The following C14orf39 variants were observed in gnomAD, a reference collection of about 807,000 sequenced individuals.
C14orf39 encodes the protein protein SIX6OS1.
C14orf39 carries 66 observed loss-of-function variants against 85.6 expected under a neutral mutation model. The observed-to-expected ratio is 0.77, with a 90% confidence interval of 0.63 to 0.95. C14orf39 has a LOEUF of 0.95. Ranked by LOEUF, C14orf39 falls within the 40% of genes least tolerant of loss-of-function variation. The probability of loss-of-function intolerance (pLI) is 0.00; values close to 1 mark genes in which losing one functional copy is unlikely to be tolerated. For missense variants in C14orf39, 735 were observed against 663.9 expected, an observed-to-expected ratio of 1.11 and a Z score of -1.18; for synonymous variants, 242 against 214.0, an observed-to-expected ratio of 1.13 and a Z score of -1.14.
At chr14:60,469,855 T>C (rs1233196877) in intron 7 of C14orf39, among the ~76,000 whole-genome samples, 1 of 150,488 alleles carries the variant, frequency 6.6e-6, no homozygotes, top group Non-Finnish European at 1.5e-5. Context: ...GTTTATGTTA[T>C]ATACTGAGCT....
intron 5 of C14orf39, among the ~76,000 whole-genome samples, chr14:60,476,430 G>A (rs1892380323): frequency 6.6e-6 from 1 of 152,300 alleles, no homozygotes; most frequent in South Asian, 2.1e-4. Flanking sequence ...GGGAGATTAG[G>A]AGAAACAAGT....
intron 13 of C14orf39, among the ~76,000 whole-genome samples, 172 bp downstream of exon 13, chr14:60,461,182 C>G (rs1199874567): frequency 6.6e-6 from 1 of 151,834 alleles, no homozygotes; most frequent in African/African-American, 2.4e-5. Flanking sequence ...TCCAAATATT[C>G]TACAATAAAA....
chr14:60,509,850 C>T, intron 1 of C14orf39: 1 of 1,613,910 alleles, frequency 6.2e-7, no homozygotes. Flanking sequence ...CTGCAGGATC[C>T]ATACCCTAAC....
At chr14:60,476,873 T>C (rs17097476) in intron 5 of C14orf39, among the ~76,000 whole-genome samples, 1 of 151,988 alleles carries the variant, frequency 6.6e-6, no homozygotes. Flanking sequence ...CCTGTTTTTT[T>C]AAATGAATAT....
At chr14:60,462,190 C>G (rs1213427623) in intron 11 of C14orf39, among the ~76,000 whole-genome samples, 1 of 149,902 alleles carries the variant, frequency 6.7e-6, no homozygotes, top group Non-Finnish European at 1.5e-5. Flanking sequence ...GCCTGTACAA[C>G]ATAGTGAGAC....
At chr14:60,451,581 A>G (rs571956800) in intron 16 of C14orf39, among the ~76,000 whole-genome samples, 10 of 151,936 alleles carry the variant, frequency 6.6e-5, no homozygotes, top group Non-Finnish European at 1.5e-4. Context: ...GCAAACTATC[A>G]CAAGGACAGA....
chr14:60,493,095 G>A (rs1052451024), intron 2 of C14orf39, among the ~76,000 whole-genome samples: 3 of 152,096 alleles, frequency 2.0e-5, no homozygotes, highest in Non-Finnish European at 2.9e-5. Flanking sequence ...GAAGATGAAG[G>A]CAACTGGGAA....
chr14:60,446,612 C>A (rs1431040294), intron 16 of C14orf39, among the ~76,000 whole-genome samples: 1 of 152,156 alleles, frequency 6.6e-6, no homozygotes, highest in African/African-American at 2.4e-5. Flanking sequence ...CCAAATTCTA[C>A]CACAGGTACA....
intron 2 of C14orf39, chr14:60,495,612 T>C (rs1893059246): frequency 4.7e-6 from 1 of 211,694 alleles, no homozygotes; most frequent in Admixed American, 4.7e-5. Flanking sequence ...CAGCTGAAGG[T>C]TTGCCTTTAC....
chr14:60,482,911 G>GTGTGTGT (rs1566681576), intron 4 of C14orf39, among the ~76,000 whole-genome samples: 2 of 58,832 alleles, frequency 3.4e-5, no homozygotes, highest in Non-Finnish European at 5.9e-5. Flanking sequence ...TGTGTGTGTG[G>GTGTGTGT]TGTGCATAAT....
intron 11 of C14orf39, among the ~76,000 whole-genome samples, chr14:60,464,456 G>GCTAT (rs1891685905): frequency 6.6e-6 from 1 of 152,112 alleles, no homozygotes; most frequent in Non-Finnish European, 1.5e-5. Context: ...TTTGGAGAGA[G>GCTAT]CTATATTCAG....
In C14orf39 at chr14:60,436,801, A is replaced by G; in HGVS notation, c.*44T>C. 1 of 1,368,350 alleles carries G rather than the reference A, an allele frequency of 7.3e-7. No individual in the cohort carries two copies. The highest frequency in any genetic ancestry group is 1.0e-6 in the Non-Finnish European group (1 of 976,484). 84.8% of individuals were successfully genotyped at this position (1,368,350 alleles called of 1,614,324 possible). ...AGCAATAATGTAAATTTATGCCCTCATGAACACAGAACAGTAAAATAATTT... is the reference window on the plus strand; with the variant it reads ...AGCAATAATGTAAATTTATGCCCTCGTGAACACAGAACAGTAAAATAATTT... On this transcript the variant is annotated 3_prime_UTR_variant, in exon 18 of 18. Coordinates refer to ENST00000321731, the MANE Select transcript of C14orf39 (RefSeq NM_174978.3).
rs990961108 is a variant in C14orf39, at chr14:60,493,067, ACTT to A, written c.-9+6226_-9+6228del. ...CCTAATATTCCCCACTCAGGTGCCC[ACTT>A]CTTCTAGCATTCAGGAAGATGAAGG... On this transcript the variant is annotated intron_variant, in intron 2 of 5. Transcript: ENST00000556799. Among the ~76,000 whole-genome samples the A allele has an allele frequency of 7.9e-5, 12 of 152,280 alleles. No individual in the cohort carries two copies. In the East Asian group the frequency reaches 2.3e-3, roughly 29 times the overall value.
chr14:60,458,695 A>T lies in C14orf39; in HGVS notation c.1162T>A (p.Ser388Thr). 1 of 1,602,808 alleles carries T rather than the reference A, an allele frequency of 6.2e-7. No individual in the cohort carries two copies. Among genetic ancestry groups the T allele is most frequent in the Non-Finnish European group, 8.5e-7 (1 of 1,174,166 alleles). Reference sequence around the variant, plus strand: ...TGACTTACTTGTGAAGTACATTTTGATTCTCTTACTTGTCTTACTGTCCCT... The same window carrying T: ...TGACTTACTTGTGAAGTACATTTTGTTTCTCTTACTTGTCTTACTGTCCCT... The part of the protein sequence containing the change: ...DKGTVRQVRE[S>T]KCTSQAIYTE... Residue 388 changes from serine to threonine, a missense_variant, in exon 14 of 18, where the codon TCA (serine) becomes ACA (threonine). Ser to Thr is a moderately conservative substitution (Grantham distance 58). Coordinates refer to ENST00000321731, the MANE Select transcript of C14orf39 (RefSeq NM_174978.3).
At position 60,456,835 on chromosome 14, in the gene C14orf39, T is replaced by C. The variant is rs1231169962; in HGVS notation, c.1358+82A>G. ...CATAATAAAAACTTGTTAAAGGTAC[T>C]AAGCATTTTACTATTCCTATCAGTT... On this transcript the variant is annotated intron_variant, in intron 15 of 17. Transcript: ENST00000321731. The C allele has an allele frequency of 2.4e-6, 3 of 1,243,434 alleles. No individual in the cohort carries two copies. In the African/African-American group the frequency reaches 4.7e-5, roughly 19 times the overall value. The allele number at this position is 1,243,434 out of a possible 1,614,324, so 77.0% of individuals were successfully genotyped here.
Position 60,461,494 on chromosome 14 carries a change from T to G in C14orf39, c.1058+14A>C. The stretch of plus-strand genomic sequence containing the variant: ...TTTCAGAGATTAAAGCATTTTCTTA[T>G]TTTAAAAAGTTACCTGACTTGCATA... On this transcript the variant is annotated intron_variant, in intron 12 of 17. Coordinates refer to ENST00000321731, the MANE Select transcript of C14orf39 (RefSeq NM_174978.3). 6.3e-7 allele frequency: 1 copy of G among 1,580,380 alleles called. No homozygotes were observed. Among genetic ancestry groups the G allele is most frequent in the Non-Finnish European group, 8.6e-7 (1 of 1,164,780 alleles).
At chr14:60,485,451 T>C (rs1892839614) in intron 1 of C14orf39, among the ~76,000 whole-genome samples, 1 of 152,234 alleles carries the variant, frequency 6.6e-6, no homozygotes, top group Non-Finnish European at 1.5e-5. Flanking sequence ...GCTCTGAATA[T>C]GTCCCTTGGT....
At chr14:60,493,145 A>C (rs1893016883) in intron 2 of C14orf39, among the ~76,000 whole-genome samples, 1 of 152,168 alleles carries the variant, frequency 6.6e-6, no homozygotes, top group African/African-American at 2.4e-5. Context: ...CTTCGAATGA[A>C]CTGTACTTAA....
At chr14:60,501,479 G>A (rs910528099) in intron 1 of C14orf39, among the ~76,000 whole-genome samples, 1 of 152,130 alleles carries the variant, frequency 6.6e-6, no homozygotes, top group African/African-American at 2.4e-5. Flanking sequence ...AAGCTGGAAG[G>A]GGCATGAAGA....
Sources: gnomAD v4.1 joint callset for allele counts (sites outside exome capture counted in the v4.1 genomes callset) on GRCh38, gnomAD v4.1.1 for gene constraint, MANE v1.5 for transcripts, NCBI Gene and HGNC (gene_info 2026-07-23, HGNC 2026-07-21) for gene names.